Variants in MED20 observed in about 807,000 individuals in gnomAD.
MED20 encodes mediator of RNA polymerase II transcription subunit 20.
Under a neutral mutation model 19.7 loss-of-function variants are expected in MED20, and 19 were observed. That is an observed-to-expected ratio of 0.96 (90% CI 0.67 to 1.42). The LOEUF (loss-of-function observed/expected upper bound fraction) is 1.42. Ranked by LOEUF, MED20 falls within the 40% of genes most tolerant of loss-of-function variation. The pLI is 0.00. For synonymous variants in MED20, 105 were observed against 104.8 expected (o/e 1.00, Z -0.01); for missense variants, 225 against 273.0 (o/e 0.82, Z 1.24).
rs1314872027 is a variant in MED20, at chr6:41,905,676, A to G, written c.*1396T>C. 6.6e-6 allele frequency: 1 copy of G among 152,220 alleles called. No homozygotes were observed. The highest frequency in any genetic ancestry group is 1.5e-5 in the Non-Finnish European group (1 of 68,042). The allele number at this position is 152,220 out of a possible 1,614,324, so 9.4% of individuals were successfully genotyped here. On this transcript the variant is annotated 3_prime_UTR_variant, in exon 4 of 4. Coordinates refer to ENST00000265350, the MANE Select transcript of MED20 (RefSeq NM_004275.5). ...TCCAAGACCATCTCTGTGTATATCAAGGTTAACCTGGATGAATATTTCTGC... is the reference window on the plus strand; with the variant it reads ...TCCAAGACCATCTCTGTGTATATCAGGGTTAACCTGGATGAATATTTCTGC...
chr6:41,911,853 T>C (rs1240629549), intron 2 of MED20, among the ~76,000 whole-genome samples: 1 of 152,068 alleles, frequency 6.6e-6, no homozygotes, highest in Admixed American at 6.6e-5. Flanking sequence ...TTCTCGACTC[T>C]GAAGAAAAAA....
intron 1 of MED20, chr6:41,917,460 C>T (rs1775344568): frequency 4.7e-6 from 1 of 211,340 alleles, no homozygotes; most frequent in African/African-American, 2.4e-5. Context: ...AAGAGTAGAA[C>T]AAGGAGTCCA....
intron 2 of MED20, among the ~76,000 whole-genome samples, chr6:41,909,862 G>C (rs573060028): frequency 2.6e-5 from 4 of 152,152 alleles, no homozygotes; most frequent in African/African-American, 7.2e-5. Context: ...CAGACTTTAC[G>C]TATAATCTTT....
At chr6:41,909,045 G>A (rs1202099175) in intron 3 of MED20, 8 of 534,668 alleles carry the variant, frequency 1.5e-5, no homozygotes, top group Non-Finnish European at 2.6e-5. Flanking sequence ...ATTTAATTCG[G>A]TGGGTGTAGT....
chr6:41,914,397 A>G (rs1775264294), intron 2 of MED20, among the ~76,000 whole-genome samples: 1 of 152,198 alleles, frequency 6.6e-6, no homozygotes. Context: ...GCTTACAGGG[A>G]AAGTGCAGGA....
intron 1 of MED20, among the ~76,000 whole-genome samples, chr6:41,920,426 A>C (rs1162687975): frequency 1.3e-5 from 2 of 152,324 alleles, no homozygotes; most frequent in African/African-American, 2.4e-5. Flanking sequence ...CCCTGTCTGC[A>C]GGTGGGTCAT....
At chr6:41,913,206 G>C (rs950590451) in intron 2 of MED20, 3 of 152,068 alleles carry the variant, frequency 2.0e-5, no homozygotes, top group African/African-American at 7.2e-5. Context: ...AGCAATCTGT[G>C]TGGTAACAAG....
chr6:41,907,393 A>C (rs1174076119), intron 3 of MED20, 106 bp from the exon 4 acceptor site: 2 of 1,010,184 alleles, frequency 2.0e-6, no homozygotes, highest in African/African-American at 3.2e-5. Context: ...CCCCGAGCTA[A>C]AGACACACAC....
rs760092168 is a variant in MED20 at position 41,907,277 on chromosome 6, C to A, written c.434G>T (p.Gly145Val). 1 of 1,611,678 alleles carries A rather than the reference C, an allele frequency of 6.2e-7. No individual in the cohort carries two copies. The highest frequency in any genetic ancestry group is 1.7e-5 in the Admixed American group (1 of 59,578). Residue 145 changes from glycine (G) to valine (V), a missense_variant, in exon 4 of 4, where the codon GGC becomes GTC. Physicochemically the swap from Gly to Val is moderately radical, Grantham distance 109 (BLOSUM62 -3). Coordinates refer to ENST00000265350, the MANE Select transcript of MED20 (RefSeq NM_004275.5). ...ARGISVEVEYGPCVVASDCWS... is the reference protein window; with the variant it reads ...ARGISVEVEYVPCVVASDCWS... The stretch of plus-strand genomic sequence containing the variant: ...GCAGTCACTAGCTACCACACAGGGG[C>A]CATACTCCACCTGGGAACCAAAAGC...
At chr6:41,915,700 T>C (rs1015083524) in intron 2 of MED20, among the ~76,000 whole-genome samples, 1 of 151,478 alleles carries the variant, frequency 6.6e-6, no homozygotes, top group Non-Finnish European at 1.5e-5. Context: ...GGCAGGAAAA[T>C]GGCGTGAACC....
intron 2 of MED20, among the ~76,000 whole-genome samples, chr6:41,910,436 G>C (rs1016491983): frequency 6.7e-6 from 1 of 149,958 alleles, no homozygotes; most frequent in Admixed American, 6.6e-5. Flanking sequence ...GTTCCAGACC[G>C]GCCTGATCAA....
At chr6:41,916,345 C>T (rs180701684) in intron 2 of MED20, among the ~76,000 whole-genome samples, 13 of 152,132 alleles carry the variant, frequency 8.5e-5, no homozygotes, top group Admixed American at 2.6e-4. Context: ...TTTGGGAGGC[C>T]GAGGTGGGCA....
At chr6:41,917,127 C>T (rs764553722) in intron 1 of MED20, among the ~76,000 whole-genome samples, 188 bp from the exon 2 acceptor site, 3 of 152,052 alleles carry the variant, frequency 2.0e-5, no homozygotes, top group Non-Finnish European at 4.4e-5. Flanking sequence ...TTTGGCCAGG[C>T]GTGGTGGCTC....
chr6:41,907,253 C>A lies in MED20; in HGVS notation c.458G>T (p.Cys153Phe). ...EYGPCVVASD[C>F]WSLLLEFLQS... ...TAGGAACTCGAGCAGCAGACTCCAG[C>A]AGTCACTAGCTACCACACAGGGGCC... The change falls in exon 4 of 4, where the codon TGC (cysteine) becomes TTC (phenylalanine). Residue 153 changes from cysteine to phenylalanine, a missense_variant. Physicochemically the swap from Cys to Phe is radical, Grantham distance 205. Transcript: ENST00000265350. 6.2e-7 allele frequency: 1 copy of A among 1,613,760 alleles called. No homozygotes were observed.
rs1355089879 is a variant in MED20, at chr6:41,907,838, T to C, written c.424-551A>G. Among the ~76,000 whole-genome samples, 4 of 152,134 alleles carry C rather than the reference T, an allele frequency of 2.6e-5. No individual in the cohort carries two copies. In the South Asian group the frequency reaches 8.3e-4, roughly 32 times the overall value. ...GGTTTTCTCCTTCTGCTCTCTTAAT[T>C]TTTTACTGGAGAGATGGCAGGGCAA... is the stretch of plus-strand genomic sequence containing the variant. On this transcript the variant is annotated intron_variant, in intron 3 of 3. Coordinates refer to ENST00000265350, the MANE Select transcript of MED20 (RefSeq NM_004275.5).
At chr6:41,908,592 C>T (rs1274713888) in intron 3 of MED20, among the ~76,000 whole-genome samples, 1 of 152,146 alleles carries the variant, frequency 6.6e-6, no homozygotes, top group African/African-American at 2.4e-5. Flanking sequence ...TGATTTAGGG[C>T]CCACCGCCAG....
intron 2 of MED20, among the ~76,000 whole-genome samples, chr6:41,911,079 A>C (rs969114527): frequency 6.7e-6 from 1 of 150,220 alleles, no homozygotes; most frequent in Admixed American, 6.6e-5. Context: ...ACTGCACTCC[A>C]GCCTGGGTGA....
intron 1 of MED20, chr6:41,917,954 A>C (rs1453033339): frequency 3.3e-6 from 1 of 303,184 alleles, no homozygotes; most frequent in Non-Finnish European, 7.3e-6. Flanking sequence ...TCAAGTTTAT[A>C]ATCTTTGGGA....
Position 41,906,243 on chromosome 6 carries a change from C to A in MED20, c.*829G>T, listed in dbSNP as rs779347732. 3.3e-5 allele frequency: 5 copies of A among 152,208 alleles called. No individual in the cohort carries two copies. Among genetic ancestry groups the A allele is most frequent in the Non-Finnish European group, 5.9e-5 (4 of 68,048 alleles). The allele number at this position is 152,208 out of a possible 1,614,324, so 9.4% of individuals were successfully genotyped here. ...TTTTTTAAAATCTGCTCTTTTCTCTCTCTCTTTCCCCAGTGGAATGCAGAT... is the reference window on the plus strand; with the variant it reads ...TTTTTTAAAATCTGCTCTTTTCTCTATCTCTTTCCCCAGTGGAATGCAGAT... On this transcript the variant is annotated 3_prime_UTR_variant, in exon 4 of 4. Coordinates refer to ENST00000265350, the MANE Select transcript of MED20 (RefSeq NM_004275.5).
Sources: allele counts gnomAD v4.1 joint callset (sites outside exome capture counted in the v4.1 genomes callset), GRCh38; gene constraint gnomAD v4.1.1; transcripts MANE v1.5; gene names NCBI Gene and HGNC (gene_info 2026-07-23, HGNC 2026-07-21).